TBC1D4: variants seen among roughly 807,000 people sequenced by gnomAD.
TBC1D4 encodes the protein TBC1 domain family member 4, also known as TBC (Tre-2, BUB2, CDC16) domain-containing protein.
A neutral mutation model predicts 142.5 loss-of-function variants in TBC1D4; 121 were observed. The ratio of observed to expected loss-of-function variants is 0.85; its 90% CI spans 0.73 to 0.99. The LOEUF is 0.99. TBC1D4 is among the 50% of genes least tolerant of loss of function. TBC1D4 has a pLI of 0.00. For synonymous variants in TBC1D4, 630 were observed against 628.2 expected (o/e 1.00, Z -0.04); for missense variants, 1,475 against 1,606.6 (o/e 0.92, Z 1.40).
At chr13:75,332,271 C>T (rs879872436) in intron 8 of TBC1D4, among the ~76,000 whole-genome samples, 13 of 152,188 alleles carry the variant, frequency 8.5e-5, no homozygotes, top group African/African-American at 2.7e-4. Flanking sequence ...CCCTAACACA[C>T]TAACATTTAA....
intron 1 of TBC1D4, among the ~76,000 whole-genome samples, chr13:75,394,769 T>C (rs1211172595): frequency 6.6e-6 from 1 of 152,274 alleles, no homozygotes; most frequent in Non-Finnish European, 1.5e-5. Flanking sequence ...TGGCAATGAT[T>C]CTGAGCACTG....
chr13:75,447,241 G>C (rs188233700), intron 1 of TBC1D4, among the ~76,000 whole-genome samples: 1 of 152,128 alleles, frequency 6.6e-6, no homozygotes, highest in Non-Finnish European at 1.5e-5. Flanking sequence ...GATTAAGGTA[G>C]ATTTTTATTG....
chr13:75,409,844 T>C (rs560919415), intron 1 of TBC1D4, among the ~76,000 whole-genome samples: 2 of 152,316 alleles, frequency 1.3e-5, no homozygotes, highest in Middle Eastern at 3.4e-3. Context: ...CTTCTAATCT[T>C]AGGATGTTAA....
At chr13:75,418,574 G>T (rs1040021143) in intron 1 of TBC1D4, among the ~76,000 whole-genome samples, 2 of 152,074 alleles carry the variant, frequency 1.3e-5, no homozygotes, top group African/African-American at 2.4e-5. Context: ...TTTCCAAAGA[G>T]GTCTGTGTTC....
chr13:75,374,910 A>T (rs972335322), intron 1 of TBC1D4, among the ~76,000 whole-genome samples: 1 of 152,194 alleles, frequency 6.6e-6, no homozygotes, highest in African/African-American at 2.4e-5. Flanking sequence ...GTTTCAGTGG[A>T]TGCTGCCAAT....
At position 75,286,389 on chromosome 13, in the gene TBC1D4, A is replaced by G. The variant is rs921009524; in HGVS notation, c.*403T>C. On this transcript the variant is annotated 3_prime_UTR_variant, in exon 21 of 21. Coordinates refer to ENST00000377636, the MANE Select transcript of TBC1D4 (RefSeq NM_014832.5). ...TTTTTCAAGTATATTGCAATATACA[A>G]AGATGCTCTGGCTTTGTTTCACTAT... 1.7e-5 allele frequency: 3 copies of G among 173,186 alleles called. No homozygotes were observed. Among genetic ancestry groups the G allele is most frequent in the African/African-American group, 4.8e-5 (2 of 41,720 alleles). The allele number at this position is 173,186 out of a possible 1,614,324, so 10.7% of individuals were successfully genotyped here.
intron 1 of TBC1D4, among the ~76,000 whole-genome samples, chr13:75,395,007 C>T (rs1331495305): frequency 6.6e-6 from 1 of 152,148 alleles, no homozygotes; most frequent in African/African-American, 2.4e-5. Context: ...ATAAAAATAA[C>T]CATTTACAAT....
chr13:75,365,411 A>G (rs1285581428), intron 1 of TBC1D4, among the ~76,000 whole-genome samples: 2 of 151,612 alleles, frequency 1.3e-5, no homozygotes, highest in Admixed American at 1.3e-4. Flanking sequence ...CTACTCACTT[A>G]GGCCACACCA....
At chr13:75,339,618 G>A (rs143458487) in intron 7 of TBC1D4, among the ~76,000 whole-genome samples, 18 of 150,924 alleles carry the variant, frequency 1.2e-4, no homozygotes, top group Non-Finnish European at 1.9e-4. Flanking sequence ...GTCTCCTGTC[G>A]CCTGGGGAGT....
intron 1 of TBC1D4, among the ~76,000 whole-genome samples, chr13:75,408,645 G>A (rs773642911): frequency 2.0e-5 from 3 of 152,118 alleles, no homozygotes; most frequent in East Asian, 1.9e-4. Flanking sequence ...AAAGAACTGC[G>A]AGACATTTAC....
chr13:75,289,141 C>T (rs761313930), intron 19 of TBC1D4, 31 bp from the exon 20 acceptor site: 15 of 1,612,138 alleles, frequency 9.3e-6, no homozygotes, highest in Non-Finnish European at 1.3e-5. Context: ...GTTAGGCTAG[C>T]CTTTGGTATG....
At chr13:75,446,211 T>C (rs878877028) in intron 1 of TBC1D4, among the ~76,000 whole-genome samples, 4 of 152,234 alleles carry the variant, frequency 2.6e-5, no homozygotes, top group Admixed American at 2.6e-4. Flanking sequence ...TGCTATTTGC[T>C]GGAATTATGC....
Position 75,289,172 on chromosome 13 carries a change from T to A in TBC1D4, c.3487-62A>T, listed in dbSNP as rs1266987442. The A allele has an allele frequency of 1.9e-6, 3 of 1,568,468 alleles. No homozygotes were observed. In the East Asian group the frequency reaches 6.7e-5, roughly 35 times the overall value. On this transcript the variant is annotated intron_variant, in intron 19 of 20. Coordinates refer to ENST00000377636, the MANE Select transcript of TBC1D4 (RefSeq NM_014832.5). ...GTATGTATAACAAGATACAGCCTGT[T>A]TATCTTGGTATATTTCATGTATATT... is the stretch of plus-strand genomic sequence containing the variant.
At chr13:75,352,917 G>A (rs1385540317) in intron 4 of TBC1D4, among the ~76,000 whole-genome samples, 4 of 152,174 alleles carry the variant, frequency 2.6e-5, no homozygotes, top group Non-Finnish European at 5.9e-5. Flanking sequence ...TTTGGTCTAT[G>A]TATCAGCTGC....
intron 1 of TBC1D4, among the ~76,000 whole-genome samples, chr13:75,464,162 T>G (rs1888078256): frequency 6.6e-6 from 1 of 152,192 alleles, no homozygotes. Flanking sequence ...TTAGAAAACT[T>G]TCTCAGAGCC....
intron 1 of TBC1D4, among the ~76,000 whole-genome samples, chr13:75,401,722 CTTG>C (rs1455199263): frequency 1.3e-5 from 2 of 151,938 alleles, no homozygotes; most frequent in Non-Finnish European, 2.9e-5. Context: ...TGTTGTTGTT[CTTG>C]TTGTTGTTAG....
At chr13:75,388,093 G>A (rs567800374) in intron 1 of TBC1D4, among the ~76,000 whole-genome samples, 22 of 152,268 alleles carry the variant, frequency 1.4e-4, no homozygotes, top group Admixed American at 6.5e-4. Context: ...TGCAAAGCCG[G>A]CAATAGCGGG....
intron 1 of TBC1D4, among the ~76,000 whole-genome samples, chr13:75,382,731 G>A (rs889954689): frequency 3.9e-5 from 6 of 152,124 alleles, no homozygotes; most frequent in Non-Finnish European, 7.3e-5. Flanking sequence ...ATTGAGATGT[G>A]CTATGTGCTT....
At chr13:75,479,775 A>G (rs563456216) in intron 1 of TBC1D4, among the ~76,000 whole-genome samples, 1 of 152,384 alleles carries the variant, frequency 6.6e-6, no homozygotes, top group Admixed American at 6.5e-5. Flanking sequence ...AGTTTTGAAC[A>G]AATGTTCACA....
Sources: gnomAD v4.1 joint callset for allele counts (sites outside exome capture counted in the v4.1 genomes callset) on GRCh38, gnomAD v4.1.1 for gene constraint, MANE v1.5 for transcripts, NCBI Gene and HGNC (gene_info 2026-07-23, HGNC 2026-07-21) for gene names.